ERC1: variants seen among roughly 807,000 people sequenced by gnomAD.
ERC1 encodes the protein RAB6 interacting protein 2.
Under a neutral mutation model 132.0 loss-of-function variants are expected in ERC1, and 56 were observed. The observed-to-expected ratio is 0.42, with a 90% confidence interval of 0.34 to 0.53. The LOEUF is 0.53. Ranked by LOEUF, ERC1 falls within the 20% of genes least tolerant of loss-of-function variation. The pLI is 0.03. For synonymous variants in ERC1, 478 were observed against 476.1 expected (o/e 1.00, Z -0.05); for missense variants, 1,202 against 1,349.9 (o/e 0.89, Z 1.72).
intron 18 of ERC1, among the ~76,000 whole-genome samples, chr12:1,477,258 T>C (rs185169207): frequency 6.6e-6 from 1 of 152,330 alleles, no homozygotes. Context: ...AGAAAGTGGA[T>C]TAAATGTGTT....
chr12:1,413,658 C>T (rs1457984074), intron 17 of ERC1, among the ~76,000 whole-genome samples: 1 of 152,150 alleles, frequency 6.6e-6, no homozygotes, highest in Admixed American at 6.5e-5. Context: ...TCATTCTGCT[C>T]AGGCATTCAT....
intron 8 of ERC1, among the ~76,000 whole-genome samples, chr12:1,148,302 C>T (rs1320087601): frequency 6.6e-6 from 1 of 152,062 alleles, no homozygotes; most frequent in Non-Finnish European, 1.5e-5. Flanking sequence ...GCTAGGGAGG[C>T]TTTGGGAATC....
At chr12:1,115,688 T>C (rs1280494774) in intron 6 of ERC1, 178 bp from the exon 7 acceptor site, 2 of 449,462 alleles carry the variant, frequency 4.4e-6, no homozygotes, top group Non-Finnish European at 7.8e-6. Context: ...TTAGTGGTTT[T>C]TTTTGGCTCA....
chr12:1,469,257 C>T (rs1482045936), intron 18 of ERC1, among the ~76,000 whole-genome samples: 1 of 152,188 alleles, frequency 6.6e-6, no homozygotes, highest in Non-Finnish European at 1.5e-5. Context: ...GGTGTGGCAC[C>T]CTGCAGGCTG....
At chr12:1,092,731 C>T (rs369385516) in intron 3 of ERC1, among the ~76,000 whole-genome samples, 6 of 152,178 alleles carry the variant, frequency 3.9e-5, no homozygotes, top group Admixed American at 2.0e-4. Flanking sequence ...GAGGCCAAGG[C>T]GGGCGGATCG....
chr12:1,173,208 G>C lies in ERC1; in HGVS notation c.1738-7332G>C, dbSNP rs141479351. On this transcript the variant is annotated intron_variant, in intron 8 of 18. Coordinates refer to ENST00000360905, the MANE Select transcript of ERC1 (RefSeq NM_178040.4). Reference sequence around the variant, plus strand: ...TTCACCATAGAACATATTATTTATAGGGTGGTAATTAAGAGTAGATTCTGG... The same window carrying C: ...TTCACCATAGAACATATTATTTATACGGTGGTAATTAAGAGTAGATTCTGG... 6.6e-4 allele frequency among the ~76,000 whole-genome samples: 100 copies of C among 152,228 alleles called. 1 individual carries two copies. The highest frequency in any genetic ancestry group is 2.0e-3 in the African/African-American group (85 of 41,536).
chr12:1,313,268 C>A (rs1268617737), intron 15 of ERC1, among the ~76,000 whole-genome samples: 2 of 152,086 alleles, frequency 1.3e-5, no homozygotes, highest in Non-Finnish European at 1.5e-5. Flanking sequence ...AAGACCCACC[C>A]ACTAGATTTC....
chr12:1,420,923 G>C (rs989072479), intron 17 of ERC1, among the ~76,000 whole-genome samples: 15 of 143,334 alleles, frequency 1.0e-4, no homozygotes, highest in Admixed American at 1.4e-4. Flanking sequence ...TTGGTTTGGG[G>C]GGGGGGGGGG....
chr12:1,311,692 G>T (rs568684197), intron 15 of ERC1, among the ~76,000 whole-genome samples: 1 of 152,150 alleles, frequency 6.6e-6, no homozygotes, highest in African/African-American at 2.4e-5. Context: ...TACCGATCCA[G>T]TTGGCATAAA....
intron 14 of ERC1, among the ~76,000 whole-genome samples, chr12:1,283,951 A>C (rs1320293857): frequency 6.6e-6 from 1 of 152,164 alleles, no homozygotes; most frequent in African/African-American, 2.4e-5. Context: ...ATTCACAATA[A>C]ATGATTTAAC....
intron 15 of ERC1, among the ~76,000 whole-genome samples, chr12:1,312,879 A>G (rs1479571336): frequency 6.6e-6 from 1 of 152,034 alleles, no homozygotes; most frequent in Non-Finnish European, 1.5e-5. Flanking sequence ...TCACTGTAAC[A>G]TTTATCATGT....
intron 15 of ERC1, among the ~76,000 whole-genome samples, chr12:1,313,868 C>T (rs2081498290): frequency 6.6e-6 from 1 of 152,068 alleles, no homozygotes; most frequent in African/African-American, 2.4e-5. Flanking sequence ...CCTATAATCC[C>T]AGCTACTCGG....
At chr12:1,426,827 A>G (rs1248269400) in intron 17 of ERC1, among the ~76,000 whole-genome samples, 1 of 151,974 alleles carries the variant, frequency 6.6e-6, no homozygotes, top group African/African-American at 2.4e-5. Context: ...TTTCTTCATA[A>G]TTTAGAGTGG....
At chr12:1,150,047 T>C (rs1443621453) in intron 8 of ERC1, among the ~76,000 whole-genome samples, 1 of 152,164 alleles carries the variant, frequency 6.6e-6, no homozygotes, top group African/African-American at 2.4e-5. Flanking sequence ...TTAGGGGGAT[T>C]TACAGTGCAC....
chr12:1,058,789 G>GTTTTT lies in ERC1; in HGVS notation c.670-24361_670-24357dup, dbSNP rs33992098. On this transcript the variant is annotated intron_variant, in intron 2 of 18. Transcript: ENST00000360905. Reference sequence around the variant, plus strand: ...ATCTATAGTTTGCTTTGGAAAGTATGTTTTTTTTTTTTTTTTTTAAGAGAC... The same window carrying GTTTTT: ...ATCTATAGTTTGCTTTGGAAAGTATGTTTTTTTTTTTTTTTTTTTTTTTAAGAGAC... Among the ~76,000 whole-genome samples, 283 of 129,840 alleles carry GTTTTT rather than the reference G, an allele frequency of 2.2e-3. 6 individuals carry two copies. The highest frequency in any genetic ancestry group is 7.1e-3 in the African/African-American group (245 of 34,468). 85.2% of individuals were successfully genotyped at this position (129,840 alleles called of 152,430 possible).
chr12:1,075,613 C>A (rs1413870421), intron 2 of ERC1, among the ~76,000 whole-genome samples: 1 of 152,028 alleles, frequency 6.6e-6, no homozygotes, highest in Non-Finnish European at 1.5e-5. Context: ...ATCGTTTGAA[C>A]CTGGGAGGCG....
chr12:1,480,744 G>A, intron 18 of ERC1: 1 of 680,106 alleles, frequency 1.5e-6, no homozygotes, highest in South Asian at 1.5e-5. Flanking sequence ...GGGGGTGTGG[G>A]TAGTGGGCAG....
chr12:1,044,294 C>T (rs1374983331), intron 2 of ERC1, among the ~76,000 whole-genome samples: 1 of 152,178 alleles, frequency 6.6e-6, no homozygotes, highest in Non-Finnish European at 1.5e-5. Flanking sequence ...TTGTTTTTGT[C>T]AGTTATCCTA....
intron 12 of ERC1, among the ~76,000 whole-genome samples, chr12:1,234,400 T>C (rs754345905): frequency 6.6e-5 from 10 of 152,234 alleles, no homozygotes; most frequent in South Asian, 2.1e-4. Flanking sequence ...TTTCAACTTA[T>C]GGTGGGTTTA....
Sources: gnomAD v4.1 joint callset for allele counts (sites outside exome capture counted in the v4.1 genomes callset) on GRCh38, gnomAD v4.1.1 for gene constraint, MANE v1.5 for transcripts, NCBI Gene and HGNC (gene_info 2026-07-23, HGNC 2026-07-21) for gene names.